Variants in TMEM123 observed in about 807,000 individuals in gnomAD.
TMEM123 encodes transmembrane protein 123, also known as porimin.
In TMEM123, 16 loss-of-function variants were observed where a neutral mutation model predicts 19.7. The ratio of observed to expected loss-of-function variants is 0.81; its 90% CI spans 0.55 to 1.23. The LOEUF (loss-of-function observed/expected upper bound fraction) is 1.23, where lower values mean the gene tolerates loss of function less well. TMEM123 is among the 50% of genes most tolerant of loss of function. The pLI is 0.00. For missense variants in TMEM123, 313 were observed against 257.8 expected, an observed-to-expected ratio of 1.21 and a Z score of -1.47; for synonymous variants, 118 against 99.4, an observed-to-expected ratio of 1.19 and a Z score of -1.12.
intron 4 of TMEM123, among the ~76,000 whole-genome samples, chr11:102,400,637 G>A (rs992690920): frequency 4.6e-5 from 7 of 152,222 alleles, no homozygotes; most frequent in African/African-American, 1.7e-4. Flanking sequence ...ATGATATTTT[G>A]AAGTGGGGCC....
Position 102,398,831 on chromosome 11 carries a change from A to G in TMEM123, c.*36T>C, listed in dbSNP as rs189756547. ...AACCAAAATTAATTGATAGGGCAGC[A>G]TCAATCTGTATTCCATCCTTGGTCC... On this transcript the variant is annotated 3_prime_UTR_variant, in exon 5 of 5. Transcript: ENST00000398136. 117 of 1,605,012 alleles carry G rather than the reference A, an allele frequency of 7.3e-5. 1 individual carries two copies. In the East Asian group the frequency reaches 2.5e-3, roughly 35 times the overall value.
chr11:102,439,303 G>C (rs1369548050), intron 2 of TMEM123, among the ~76,000 whole-genome samples: 1 of 151,776 alleles, frequency 6.6e-6, no homozygotes, highest in Non-Finnish European at 1.5e-5. Context: ...CCTAAAGTGG[G>C]TCCCTGACCC....
At chr11:102,439,049 C>T (rs908090181) in intron 2 of TMEM123, among the ~76,000 whole-genome samples, 4 of 152,162 alleles carry the variant, frequency 2.6e-5, no homozygotes, top group Non-Finnish European at 5.9e-5. Context: ...GAGGGGCGTC[C>T]GCCAGTGCTG....
chr11:102,407,634 C>T (rs1371244856), intron 2 of TMEM123, among the ~76,000 whole-genome samples: 2 of 152,064 alleles, frequency 1.3e-5, no homozygotes, highest in African/African-American at 2.4e-5. Context: ...TGGAGACAGA[C>T]ACACAAACAC....
At chr11:102,405,686 C>T (rs1027197948) in intron 2 of TMEM123, among the ~76,000 whole-genome samples, 3 of 152,150 alleles carry the variant, frequency 2.0e-5, no homozygotes, top group African/African-American at 7.2e-5. Context: ...CACACACACA[C>T]ACCCCTCCCC....
At chr11:102,416,241 A>T (rs1952043311) in intron 2 of TMEM123, among the ~76,000 whole-genome samples, 1 of 152,150 alleles carries the variant, frequency 6.6e-6, no homozygotes, top group Non-Finnish European at 1.5e-5. Context: ...TGAAAGAATA[A>T]ATAAGATTGA....
At chr11:102,439,625 A>T (rs1447861253) in intron 2 of TMEM123, among the ~76,000 whole-genome samples, 1 of 152,176 alleles carries the variant, frequency 6.6e-6, no homozygotes, top group African/African-American at 2.4e-5. Flanking sequence ...AAATTCTAAA[A>T]ATCAGAGCGC....
chr11:102,411,685 A>G (rs1044746543), intron 2 of TMEM123, among the ~76,000 whole-genome samples: 14 of 141,814 alleles, frequency 9.9e-5, no homozygotes, highest in African/African-American at 2.4e-4. Context: ...CAGAGGTGGG[A>G]AAAAAAAAAA....
chr11:102,444,821 A>G (rs1857865006), intron 2 of TMEM123, among the ~76,000 whole-genome samples: 1 of 152,152 alleles, frequency 6.6e-6, no homozygotes, highest in Non-Finnish European at 1.5e-5. Context: ...CATATACACC[A>G]TGGAATACTA....
intron 2 of TMEM123, among the ~76,000 whole-genome samples, chr11:102,404,454 T>A (rs1951937806): frequency 6.6e-6 from 1 of 151,886 alleles, no homozygotes; most frequent in Non-Finnish European, 1.5e-5. Context: ...TGGCTAATTT[T>A]TGTATTTTTA....
chr11:102,418,428 A>C (rs1952058954), intron 2 of TMEM123, among the ~76,000 whole-genome samples: 1 of 152,236 alleles, frequency 6.6e-6, no homozygotes, highest in South Asian at 2.1e-4. Context: ...AAAAATGCTC[A>C]ACATAATTAT....
Position 102,397,908 on chromosome 11 carries a change from CTTAAAG to C in TMEM123, c.*953_*958del, listed in dbSNP as rs1951875552. Reference sequence around the variant, plus strand: ...GAAAATCATACAAGCGGTTCTTTTTCTTAAAGTTAGGTGTGTTTACACTCAATTAAA... The same window carrying C: ...GAAAATCATACAAGCGGTTCTTTTTCTTAGGTGTGTTTACACTCAATTAAA... On this transcript the variant is annotated 3_prime_UTR_variant, in exon 5 of 5. Transcript: ENST00000398136. The C allele has an allele frequency of 6.6e-6, 1 of 152,090 alleles. No homozygotes were observed. The highest frequency in any genetic ancestry group is 2.4e-5 in the African/African-American group (1 of 41,410). The allele number at this position is 152,090 out of a possible 1,614,324, so 9.4% of individuals were successfully genotyped here. A position where few individuals can be genotyped will look rare whatever the true frequency, so the allele number is the denominator to read the frequency against.
At chr11:102,420,017 TAGAA>T (rs960999334) in intron 2 of TMEM123, among the ~76,000 whole-genome samples, 4 of 152,230 alleles carry the variant, frequency 2.6e-5, no homozygotes, top group African/African-American at 9.7e-5. Context: ...TGTAGAAACT[TAGAA>T]AGTATACTGG....
chr11:102,401,437 C>G (rs1565346338), intron 4 of TMEM123, 102 bp downstream of exon 4: 5 of 1,099,148 alleles, frequency 4.5e-6, no homozygotes, highest in Admixed American at 5.6e-5. Flanking sequence ...ATAAATCTAT[C>G]AATTATTCAT....
At chr11:102,429,566 A>G (rs1437426789) in intron 2 of TMEM123, among the ~76,000 whole-genome samples, 1 of 152,208 alleles carries the variant, frequency 6.6e-6, no homozygotes, top group Non-Finnish European at 1.5e-5. Flanking sequence ...CTTACAATTA[A>G]CAAACATAAA....
At chr11:102,406,455 C>T (rs1211839346) in intron 2 of TMEM123, among the ~76,000 whole-genome samples, 1 of 152,180 alleles carries the variant, frequency 6.6e-6, no homozygotes, top group Non-Finnish European at 1.5e-5. Context: ...TCTATCTACC[C>T]ATCAGCTAAG....
At position 102,427,068 on chromosome 11, in the gene TMEM123, T is replaced by G. The variant is rs1952134933; in HGVS notation, c.157+21744A>C. ...GTTGCAGGGTTTTTTGTTTTGCGGG[T>G]TTTTTTTTTTTTGCTGGTTCTCTTT... On this transcript the variant is annotated intron_variant, in intron 2 of 4. Transcript: ENST00000398136. 7.8e-5 allele frequency among the ~76,000 whole-genome samples: 11 copies of G among 140,738 alleles called. No homozygotes were observed. The South Asian group carries it at 2.1e-3, about 27-fold the overall frequency. 92.3% of individuals were successfully genotyped at this position (140,738 alleles called of 152,430 possible). A position where few individuals can be genotyped will look rare whatever the true frequency, so the allele number is the denominator to read the frequency against.
At chr11:102,431,159 G>C (rs78847320) in intron 2 of TMEM123, among the ~76,000 whole-genome samples, 1 of 151,808 alleles carries the variant, frequency 6.6e-6, no homozygotes, top group Admixed American at 6.6e-5. Context: ...AAAAATAGTC[G>C]GTGGGATACT....
chr11:102,433,341 G>A (rs1304608418), intron 2 of TMEM123, among the ~76,000 whole-genome samples: 1 of 151,984 alleles, frequency 6.6e-6, no homozygotes, highest in South Asian at 2.1e-4. Context: ...ATGAGACAGA[G>A]TCATAGGAAA....
Sources: allele counts gnomAD v4.1 joint callset (sites outside exome capture counted in the v4.1 genomes callset), GRCh38; gene constraint gnomAD v4.1.1; transcripts MANE v1.5; gene names NCBI Gene and HGNC (gene_info 2026-07-23, HGNC 2026-07-21).